Variants in BCAS3 observed in about 807,000 individuals in gnomAD.
BCAS3 encodes BCAS3 microtubule associated cell migration factor, also known as BCAS4/BCAS3 fusion.
BCAS3 carries 53 observed loss-of-function variants against 116.1 expected under a neutral mutation model. The ratio of observed to expected loss-of-function variants is 0.46; its 90% CI spans 0.37 to 0.57. The LOEUF is 0.57. Among genes scored for constraint, BCAS3 ranks in the 20% least tolerant of loss-of-function variants. The pLI is 0.00. For missense variants in BCAS3, 917 were observed against 1,165.4 expected (o/e 0.79, Z 3.10); for synonymous variants, 391 against 408.2 (o/e 0.96, Z 0.51).
chr17:60,948,076 T>C (rs945078646), intron 14 of BCAS3, among the ~76,000 whole-genome samples: 5 of 152,036 alleles, frequency 3.3e-5, no homozygotes, highest in African/African-American at 9.7e-5. Context: ...ATATATTTAA[T>C]ATTCTTATTT....
At chr17:61,170,734 G>A (rs565421457) in intron 22 of BCAS3, among the ~76,000 whole-genome samples, 20 of 152,200 alleles carry the variant, frequency 1.3e-4, no homozygotes, top group Non-Finnish European at 2.8e-4. Flanking sequence ...AAATCCAGGT[G>A]GAGTGCAGCA....
intron 14 of BCAS3, among the ~76,000 whole-genome samples, chr17:60,979,685 A>C (rs1162298139): frequency 6.6e-6 from 1 of 151,608 alleles, no homozygotes; most frequent in African/African-American, 2.4e-5. Context: ...TACCTAACTT[A>C]TTGAGAGTTT....
At chr17:61,067,259 T>G (rs2070725082) in intron 19 of BCAS3, among the ~76,000 whole-genome samples, 1 of 101,758 alleles carries the variant, frequency 9.8e-6, no homozygotes, top group Admixed American at 1.0e-4. Flanking sequence ...ATAACTTTAT[T>G]TATGTGTGTA....
chr17:61,269,733 A>G (rs571616684), intron 22 of BCAS3, among the ~76,000 whole-genome samples: 2 of 150,908 alleles, frequency 1.3e-5, no homozygotes, highest in African/African-American at 4.9e-5. Context: ...TTTTCATACA[A>G]CTTGTTGGCC....
chr17:61,203,177 G>A lies in BCAS3; in HGVS notation c.2425+118613G>A, dbSNP rs536536455. Among the ~76,000 whole-genome samples, 3 of 150,724 alleles carry A rather than the reference G, an allele frequency of 2.0e-5. No individual in the cohort carries two copies. Among genetic ancestry groups the A allele is most frequent in the East Asian group, 1.9e-4 (1 of 5,154 alleles). ...CTTCTCTTTTATTCTTCTTTTTTTC[G>A]AGACAGTTTCACTCTTGTCACTCAG... On this transcript the variant is annotated intron_variant, in intron 22 of 23. Transcript: ENST00000407086. The surrounding 1 kb of genome is among the most constrained non-coding windows in gnomAD (Gnocchi z 5.7).
intron 16 of BCAS3, among the ~76,000 whole-genome samples, chr17:61,016,625 A>G (rs889124066): frequency 6.6e-6 from 1 of 152,236 alleles, no homozygotes; most frequent in African/African-American, 2.4e-5. Flanking sequence ...ATATCAGAAA[A>G]TATATGTCTA....
intron 13 of BCAS3, among the ~76,000 whole-genome samples, chr17:60,939,311 C>T (rs2060106239): frequency 6.6e-6 from 1 of 151,926 alleles, no homozygotes; most frequent in Non-Finnish European, 1.5e-5. Flanking sequence ...CAAACCCCTG[C>T]AATCCCAGCT....
At position 61,077,410 on chromosome 17, in the gene BCAS3, G is replaced by C. The variant is rs2072116897; in HGVS notation, c.2131-923G>C. On this transcript the variant is annotated intron_variant, in intron 20 of 23. Transcript: ENST00000407086. The surrounding 1 kb of genome is among the most constrained non-coding windows in gnomAD (Gnocchi z 4.3). ...CGGGCGCCTGTAGTCCCAGCTACTG[G>C]GGAGGCTGAGGCAGGAGAATGTAGT... Among the ~76,000 whole-genome samples, 3 of 152,084 alleles carry C rather than the reference G, an allele frequency of 2.0e-5. No homozygotes were observed. Among genetic ancestry groups the C allele is most frequent in the Admixed American group, 2.0e-4 (3 of 15,280 alleles).
intron 6 of BCAS3, among the ~76,000 whole-genome samples, chr17:60,776,517 G>A (rs562583218): frequency 1.1e-4 from 16 of 151,912 alleles, no homozygotes; most frequent in African/African-American, 2.4e-4. Context: ...TCAGGAGTTC[G>A]AGACTAGCCT....
At position 61,276,369 on chromosome 17, in the gene BCAS3, AC is replaced by A. The variant is rs2050757043; in HGVS notation, c.2426-91957del. On this transcript the variant is annotated intron_variant, in intron 22 of 23. Transcript: ENST00000407086. This position sits in a 1 kb window ranked among gnomAD's most constrained non-coding sequence, Gnocchi z 4.2. Reference sequence around the variant, plus strand: ...CTCCATCTCAAAAACAAACAAACAAACAAACAAAAATCACTTGTGTTTCTAT... The same window carrying A: ...CTCCATCTCAAAAACAAACAAACAAAAAACAAAAATCACTTGTGTTTCTAT... 1.3e-5 allele frequency among the ~76,000 whole-genome samples: 2 copies of A among 152,060 alleles called. No individual in the cohort carries two copies. Among genetic ancestry groups the A allele is most frequent in the Non-Finnish European group, 2.9e-5 (2 of 67,994 alleles).
chr17:61,278,453 G>A lies in BCAS3; in HGVS notation c.2426-89874G>A, dbSNP rs910018962. Among the ~76,000 whole-genome samples, 7 of 152,096 alleles carry A rather than the reference G, an allele frequency of 4.6e-5. No individual in the cohort carries two copies. The highest frequency in any genetic ancestry group is 1.7e-4 in the African/African-American group (7 of 41,396). On this transcript the variant is annotated intron_variant, in intron 22 of 23. Coordinates refer to ENST00000407086, the MANE Select transcript of BCAS3 (RefSeq NM_017679.5). This position sits in a 1 kb window ranked among gnomAD's most constrained non-coding sequence, Gnocchi z 5.8. ...GCCTCCCACAGTGCTGGGTTTACAG[G>A]TGTGTGCCACCATGCCCAGCCTCTA...
intron 7 of BCAS3, among the ~76,000 whole-genome samples, chr17:60,865,738 A>T (rs2054541997): frequency 6.6e-6 from 1 of 152,176 alleles, no homozygotes; most frequent in Admixed American, 6.5e-5. Flanking sequence ...GACAATCTGG[A>T]TGCTTTAAAT....
At chr17:61,074,390 A>C (rs2143453103) in intron 19 of BCAS3, among the ~76,000 whole-genome samples, 1 of 152,298 alleles carries the variant, frequency 6.6e-6, no homozygotes, top group East Asian at 1.9e-4. Flanking sequence ...TGTTTTACTA[A>C]GCAAATGTTC....
chr17:61,223,678 T>TTTAAA (rs2082234490), intron 22 of BCAS3, among the ~76,000 whole-genome samples: 1 of 152,206 alleles, frequency 6.6e-6, no homozygotes, highest in African/African-American at 2.4e-5. Context: ...ATATCAAGGT[T>TTTAAA]CTTTTCATGA....
intron 22 of BCAS3, among the ~76,000 whole-genome samples, chr17:61,328,887 GCT>G (rs1392415507): frequency 6.8e-6 from 1 of 148,032 alleles, no homozygotes; most frequent in Middle Eastern, 3.5e-3. Context: ...GAAGACGCAG[GCT>G]CTTTTTTTTT....
At chr17:61,237,673 CAAAA>C (rs1269954538) in intron 22 of BCAS3, among the ~76,000 whole-genome samples, 1 of 152,184 alleles carries the variant, frequency 6.6e-6, no homozygotes, top group East Asian at 1.9e-4. Context: ...ACTGAATACT[CAAAA>C]TAATTCTGGA....
At chr17:61,177,453 A>G (rs1447854692) in intron 22 of BCAS3, among the ~76,000 whole-genome samples, 1 of 152,248 alleles carries the variant, frequency 6.6e-6, no homozygotes, top group Non-Finnish European at 1.5e-5. Context: ...ACAAATGAAT[A>G]CATACTGTAC....
Position 61,368,214 on chromosome 17 carries a change from C to T in BCAS3, c.2426-113C>T. Reference sequence around the variant, plus strand: ...CTGTTGGCGGCGTGCTTCCATCCTACAGGAAGGCTACAATGGACCCTGGGT... The same window carrying T: ...CTGTTGGCGGCGTGCTTCCATCCTATAGGAAGGCTACAATGGACCCTGGGT... On this transcript the variant is annotated intron_variant, in intron 22 of 23. Transcript: ENST00000407086. The surrounding 1 kb of genome is among the most constrained non-coding windows in gnomAD (Gnocchi z 6.0). 1.7e-6 allele frequency: 2 copies of T among 1,197,784 alleles called. No homozygotes were observed. The highest frequency in any genetic ancestry group is 2.4e-5 in the East Asian group (1 of 42,288). 74.2% of individuals were successfully genotyped at this position (1,197,784 alleles called of 1,614,324 possible).
chr17:61,269,739 T>C (rs1339929222), intron 22 of BCAS3, among the ~76,000 whole-genome samples: 1 of 152,292 alleles, frequency 6.6e-6, no homozygotes, highest in African/African-American at 2.4e-5. Flanking sequence ...TACAACTTGT[T>C]GGCCATTTGC....
Sources: gnomAD v4.1 joint callset for allele counts (sites outside exome capture counted in the v4.1 genomes callset) on GRCh38, gnomAD v4.1.1 for gene constraint, Gnocchi (gnomAD v3.1) non-coding constraint, MANE v1.5 for transcripts, NCBI Gene and HGNC (gene_info 2026-07-23, HGNC 2026-07-21) for gene names.